Variants in PDZD7 observed in about 807,000 individuals in gnomAD.
The protein encoded by PDZD7 is PDZ domain-containing protein 7.
In PDZD7, 72 loss-of-function variants were observed where a neutral mutation model predicts 84.7. The ratio of observed to expected loss-of-function variants is 0.85; its 90% confidence interval spans 0.70 to 1.03. The LOEUF (loss-of-function observed/expected upper bound fraction) is 1.03. Ranked by LOEUF, PDZD7 falls within the 50% of genes least tolerant of loss-of-function variation. The pLI is 0.00. For missense variants in PDZD7, 1,490 were observed against 1,412.9 expected, an observed-to-expected ratio of 1.05 and a Z score of -0.87; for synonymous variants, 594 against 580.7, an observed-to-expected ratio of 1.02 and a Z score of -0.33.
intron 16 of PDZD7, 37 bp from the exon 17 acceptor site, chr10:101,008,887 C>T: frequency 1.4e-6 from 2 of 1,459,436 alleles, no homozygotes; most frequent in East Asian, 2.5e-5. Flanking sequence ...CCTCCCTCCT[C>T]ATGTCACCCT....
In PDZD7 at chr10:101,017,750, C is replaced by T. The variant is rs1042244229; in HGVS notation, c.1522+349G>A. ...GCAGTGAGCTGAGATGGTGCCATTACACTCTCGCCTGGGCAACAAGAGCAA... is the reference window on the plus strand; with the variant it reads ...GCAGTGAGCTGAGATGGTGCCATTATACTCTCGCCTGGGCAACAAGAGCAA... On this transcript the variant is annotated intron_variant, in intron 9 of 16. Coordinates refer to ENST00000619208, the MANE Select transcript of PDZD7 (RefSeq NM_001195263.2). 5 of 550,394 alleles carry T rather than the reference C, an allele frequency of 9.1e-6. No homozygotes were observed. The African/African-American group carries it at 1.0e-4, about 11-fold the overall frequency. 34.1% of individuals were successfully genotyped at this position (550,394 alleles called of 1,614,324 possible).
intron 3 of PDZD7, 53 bp downstream of exon 3, chr10:101,023,873 ACT>A: frequency 6.2e-7 from 1 of 1,613,374 alleles, no homozygotes; most frequent in Non-Finnish European, 8.5e-7. Context: ...CCTGCCATTC[ACT>A]GAGATTGGAG....
intron 2 of PDZD7, among the ~76,000 whole-genome samples, chr10:101,024,426 T>C (rs974574017): frequency 9.3e-5 from 14 of 150,522 alleles, no homozygotes; most frequent in African/African-American, 3.0e-4. Flanking sequence ...AAATTTTTTG[T>C]AGAGGCAGGG....
chr10:101,029,149 T>C (rs1369518213), intron 2 of PDZD7, among the ~76,000 whole-genome samples: 1 of 152,188 alleles, frequency 6.6e-6, no homozygotes, highest in East Asian at 1.9e-4. Context: ...CTAGGTCCTG[T>C]CTTGCTCATC....
chr10:101,022,032 T>C, intron 5 of PDZD7, 87 bp from the exon 6 acceptor site: 1 of 1,572,098 alleles, frequency 6.4e-7, no homozygotes, highest in Admixed American at 1.9e-5. Flanking sequence ...GACACAAGAC[T>C]GCACCAGTCA....
Position 101,010,777 on chromosome 10 carries a change from G to A in PDZD7, c.2112C>T (p.Ala704=), listed in dbSNP as rs1265651072. The A allele has an allele frequency of 2.0e-6, 3 of 1,535,428 alleles. No homozygotes were observed. The highest frequency in any genetic ancestry group is 3.9e-5 in the Admixed American group (2 of 50,982). The change falls in exon 15 of 17, where the codon GCC becomes GCT. Residue 704 remains alanine (A), a synonymous_variant. Coordinates refer to ENST00000619208, the MANE Select transcript of PDZD7 (RefSeq NM_001195263.2). ...CTTTATGGGGGTGGCGAGGGGCAGA[G>A]GCACTTGGGGAGACCTTGAGGGCCC... ...RLGALKVSPS[A]SAPRHPHKGI... is the part of the protein sequence containing the mutation.
At chr10:101,016,242 C>G in intron 10 of PDZD7, 135 bp downstream of exon 10, 1 of 892,542 alleles carries the variant, frequency 1.1e-6, no homozygotes, top group Non-Finnish European at 1.8e-6. Context: ...CCAATACATA[C>G]CATTCTAGCT....
chr10:101,014,511 C>T (rs986353729), intron 11 of PDZD7, among the ~76,000 whole-genome samples: 5 of 152,306 alleles, frequency 3.3e-5, no homozygotes, highest in Non-Finnish European at 7.4e-5. Flanking sequence ...ACACGCTGCC[C>T]TACTTAGCGC....
In PDZD7 at chr10:101,009,317, A is replaced by G; in HGVS notation, c.2651T>C (p.Val884Ala). Residue 884 changes from valine (V) to alanine (A), a missense_variant, in exon 16 of 17, where the codon GTG becomes GCG. Transcript: ENST00000619208. ...ISISGGIESKVQPMVKIEKIF... is the reference protein window; with the variant it reads ...ISISGGIESKAQPMVKIEKIF... ...CTTCTCTATCTTCACCATGGGCTGC[A>G]CCTTGGACTCAATGCCCCCAGAAAT... The G allele has an allele frequency of 6.5e-7, 1 of 1,536,036 alleles. No homozygotes were observed. Among genetic ancestry groups the G allele is most frequent in the South Asian group, 1.2e-5 (1 of 84,062 alleles).
rs80250431 is a variant in PDZD7, at chr10:101,008,397, G to T, written c.*70C>A. 35,263 of 1,402,486 alleles carry T rather than the reference G, an allele frequency of 0.025. 587 individuals are homozygous for T. The highest frequency in any genetic ancestry group is 0.071 in the Admixed American group (2,812 of 39,390). 86.9% of individuals were successfully genotyped at this position (1,402,486 alleles called of 1,614,324 possible). On this transcript the variant is annotated 3_prime_UTR_variant, in exon 17 of 17. Coordinates refer to ENST00000619208, the MANE Select transcript of PDZD7 (RefSeq NM_001195263.2). ...GCAGGAGCTGGAGAGTCCTGAAGAA[G>T]TTGGTAGGAGAGGTCCTGGGGATAA...
At chr10:101,029,775 C>A (rs1160161912) in intron 2 of PDZD7, among the ~76,000 whole-genome samples, 3 of 152,222 alleles carry the variant, frequency 2.0e-5, no homozygotes, top group Non-Finnish European at 2.9e-5. Context: ...CCTCCTCTGA[C>A]CCTTCTACGA....
In PDZD7 at chr10:101,018,314, C is replaced by G. The variant is rs560818719; in HGVS notation, c.1325-18G>C. 3.7e-6 allele frequency: 6 copies of G among 1,612,010 alleles called. No individual in the cohort carries two copies. The South Asian group carries it at 4.4e-5, about 12-fold the overall frequency. On this transcript the variant is annotated intron_variant, in intron 8 of 16. Transcript: ENST00000619208. The stretch of plus-strand genomic sequence containing the variant: ...CTTCTCCTCTGCAGACACGAGGGAG[C>G]AACGGGGGAGCTGGAGGGGTGGGCA...
At chr10:101,023,314 G>C in intron 4 of PDZD7, 122 bp downstream of exon 4, 2 of 1,208,816 alleles carry the variant, frequency 1.7e-6, no homozygotes, top group Non-Finnish European at 2.4e-6. Flanking sequence ...TGGATCCCCT[G>C]CGTTTCCTGA....
chr10:101,018,282 G>A lies in PDZD7; in HGVS notation c.1339C>T (p.Arg447Trp). The A allele has an allele frequency of 1.2e-6, 2 of 1,613,764 alleles. No individual in the cohort carries two copies. The highest frequency in any genetic ancestry group is 1.7e-6 in the Non-Finnish European group (2 of 1,180,040). ...GGGGACCCCGACTTCTCCTTCTTCC[G>A]CTGCTGCTTCTCCTCTGCAGACACG... ...YLTLWEEKQQ[R>W]KKEKSGSPGE... Residue 447 changes from arginine to tryptophan, a missense_variant, in exon 9 of 17, where the codon CGG becomes TGG. Physicochemically the swap from Arg to Trp is moderately radical, Grantham distance 101. Transcript: ENST00000619208.
rs1852361147 is a variant in PDZD7 at position 101,010,564 on chromosome 10, GCGGCTA to G, written c.2319_2324del (p.Arg783_Ser784del). The G allele has an allele frequency of 6.9e-7, 1 of 1,459,738 alleles. No individual in the cohort carries two copies. The highest frequency in any genetic ancestry group is 9.2e-7 in the Non-Finnish European group (1 of 1,089,804). 90.4% of individuals were successfully genotyped at this position (1,459,738 alleles called of 1,614,324 possible). A position where few individuals can be genotyped will look rare whatever the true frequency, so the allele number is the denominator to read the frequency against. On this transcript the variant is annotated inframe_deletion, in exon 15 of 17. Transcript: ENST00000619208. ...TGCGGCTGCGGCTGCGGCTACGGCT[GCGGCTA>G]CGGCTCTGAGCCCGGCCCCGGATCT...
chr10:101,025,219 T>A (rs1172056216), intron 2 of PDZD7, among the ~76,000 whole-genome samples: 1 of 152,196 alleles, frequency 6.6e-6, no homozygotes, highest in Admixed American at 6.5e-5. Context: ...TCTTTCTTTT[T>A]TTTCCCCCGA....
chr10:101,027,506 A>G (rs2134135005), intron 2 of PDZD7, among the ~76,000 whole-genome samples: 1 of 152,324 alleles, frequency 6.6e-6, no homozygotes, highest in South Asian at 2.1e-4. Flanking sequence ...CTGGATCAGC[A>G]GCGTCAGTGT....
intron 15 of PDZD7, among the ~76,000 whole-genome samples, chr10:101,009,597 G>GTT (rs1419643776): frequency 8.7e-6 from 1 of 114,948 alleles, no homozygotes; most frequent in Non-Finnish European, 1.8e-5. Context: ...TTGAGACAGA[G>GTT]TCTTTTTTTT....
At chr10:101,014,435 A>G (rs767625853) in intron 11 of PDZD7, among the ~76,000 whole-genome samples, 2 of 152,118 alleles carry the variant, frequency 1.3e-5, no homozygotes, top group Non-Finnish European at 2.9e-5. Flanking sequence ...AGGAGCCTCC[A>G]AAGAGACAGA....
Sources: allele counts gnomAD v4.1 joint callset (sites outside exome capture counted in the v4.1 genomes callset), GRCh38; gene constraint gnomAD v4.1.1; transcripts MANE v1.5; gene names NCBI Gene and HGNC (gene_info 2026-07-23, HGNC 2026-07-21).